CLEC2A: variants seen among roughly 807,000 people sequenced by gnomAD.
CLEC2A encodes the protein keratinocyte-associated C-type lectin.
A neutral mutation model predicts 18.6 loss-of-function variants in CLEC2A; 19 were observed. That is an observed-to-expected ratio of 1.02 (90% CI 0.71 to 1.50). The LOEUF is 1.50. CLEC2A is among the 40% of genes most tolerant of loss of function. CLEC2A has a pLI of 0.00. For missense variants in CLEC2A, 190 were observed against 207.9 expected, an observed-to-expected ratio of 0.91 and a Z score of 0.53; for synonymous variants, 74 against 64.0, an observed-to-expected ratio of 1.16 and a Z score of -0.75.
At chr12:9,913,066 C>G (rs1367504338), downstream of CLEC2A, among the ~76,000 whole-genome samples, 1 of 152,024 alleles carries the variant, frequency 6.6e-6, no homozygotes, top group Non-Finnish European at 1.5e-5. Context: ...AAATATGTGC[C>G]CCAAATTAAT....
intron 3 of CLEC2A, among the ~76,000 whole-genome samples, chr12:9,920,261 G>A (rs1029015112): frequency 1.3e-5 from 2 of 152,266 alleles, no homozygotes; most frequent in Non-Finnish European, 2.9e-5. Context: ...CTCTTCGCTG[G>A]AGTTTCAACT....
At chr12:9,911,995 C>T (rs958802725), downstream of CLEC2A, among the ~76,000 whole-genome samples, 3 of 152,106 alleles carry the variant, frequency 2.0e-5, no homozygotes, top group Non-Finnish European at 4.4e-5. Context: ...CCAAGACTAG[C>T]CCCACAAATC....
the CLEC2A span, among the ~76,000 whole-genome samples, chr12:9,882,919 G>T: frequency 6.6e-6 from 1 of 152,136 alleles, no homozygotes; most frequent in African/African-American, 2.4e-5. Flanking sequence ...CTTTTATGTG[G>T]ATGTTAAACT....
At chr12:9,904,111 T>A (rs1348762399) in intron 4 of CLEC2A, among the ~76,000 whole-genome samples, 3 of 152,158 alleles carry the variant, frequency 2.0e-5, no homozygotes, top group East Asian at 3.9e-4. Flanking sequence ...GCTCACTGCA[T>A]CCCTTTAGGT....
intron 1 of CLEC2A, among the ~76,000 whole-genome samples, chr12:9,931,603 G>A (rs1863376916): frequency 6.6e-6 from 1 of 152,134 alleles, no homozygotes; most frequent in Admixed American, 6.5e-5. Context: ...TATCCCAATT[G>A]CCCTGGGAAT....
intron 4 of CLEC2A, among the ~76,000 whole-genome samples, chr12:9,907,239 T>C (rs1246930033): frequency 6.6e-6 from 1 of 152,200 alleles, no homozygotes; most frequent in African/African-American, 2.4e-5. Flanking sequence ...GGAATGGTTT[T>C]TCTAGGGAGG....
At chr12:9,885,866 AATCT>A in the CLEC2A span, among the ~76,000 whole-genome samples, 19 of 152,194 alleles carry the variant, frequency 1.2e-4, no homozygotes, top group Non-Finnish European at 1.3e-4. Flanking sequence ...AGTCGTTATG[AATCT>A]ATCTAAGTAG....
chr12:9,880,552 T>C, the CLEC2A span, among the ~76,000 whole-genome samples: 1 of 148,118 alleles, frequency 6.8e-6, no homozygotes, highest in South Asian at 2.1e-4. Flanking sequence ...GTGTGCGTGT[T>C]AAGTGAAATA....
Position 9,922,145 on chromosome 12 carries a change from G to C in CLEC2A, c.227C>G (p.Thr76Ser), listed in dbSNP as rs1318544296. ...TATTTTACTGGCTGTCCAATTTCTG[G>C]TATCATCAGAAAAATAGAAACACTT... ...RDKCFYFSDD[T>S]RNWTASKIFC... is the part of the protein sequence containing the mutation. The change falls in exon 3 of 5, where the codon ACC (threonine) becomes AGC (serine). Residue 76 changes from threonine to serine, a missense_variant. Transcript: ENST00000455827. 6.5e-7 allele frequency: 1 copy of C among 1,550,018 alleles called. No individual in the cohort carries two copies.
At chr12:9,905,104 A>G (rs1037287426) in intron 4 of CLEC2A, among the ~76,000 whole-genome samples, 2 of 152,246 alleles carry the variant, frequency 1.3e-5, no homozygotes, top group Non-Finnish European at 2.9e-5. Context: ...TTTCTGCTGG[A>G]AAGAAAAGGG....
the CLEC2A span, chr12:9,881,504 C>A: frequency 6.5e-6 from 6 of 929,438 alleles, no homozygotes; most frequent in Non-Finnish European, 9.7e-6. Context: ...TCTTTTAGTA[C>A]CTTGTGCCAA....
the CLEC2A span, among the ~76,000 whole-genome samples, chr12:9,882,553 G>A: frequency 9.9e-5 from 15 of 152,172 alleles, no homozygotes; most frequent in Admixed American, 1.3e-4. Context: ...AGAGGTGGGC[G>A]GGTCACCTGA....
At chr12:9,925,455 T>C (rs1425558772) in intron 2 of CLEC2A, among the ~76,000 whole-genome samples, 1 of 152,224 alleles carries the variant, frequency 6.6e-6, no homozygotes, top group South Asian at 2.1e-4. Context: ...GTCTGGAATG[T>C]ATTATTTGTG....
chr12:9,921,230 C>A (rs1258861790), intron 3 of CLEC2A, among the ~76,000 whole-genome samples: 3 of 152,148 alleles, frequency 2.0e-5, no homozygotes, highest in African/African-American at 7.2e-5. Context: ...TTGACTCAAA[C>A]AATGTGGCAG....
intron 4 of CLEC2A, among the ~76,000 whole-genome samples, chr12:9,899,500 G>A (rs552299208): frequency 6.6e-6 from 1 of 152,312 alleles, no homozygotes; most frequent in South Asian, 2.1e-4. Context: ...GAGGGGAGCA[G>A]GTGTCCCTGA....
At chr12:9,931,303 A>AT (rs1397975111) in intron 1 of CLEC2A, among the ~76,000 whole-genome samples, 1 of 152,116 alleles carries the variant, frequency 6.6e-6, no homozygotes, top group Non-Finnish European at 1.5e-5. Context: ...ATTTTTAAAA[A>AT]TTTTCTTATG....
intron 4 of CLEC2A, among the ~76,000 whole-genome samples, chr12:9,900,991 A>G (rs932188267): frequency 1.3e-5 from 2 of 152,238 alleles, no homozygotes; most frequent in Admixed American, 6.5e-5. Context: ...AGAGAGAAAA[A>G]AAAACATGCT....
the CLEC2A span, chr12:9,893,121 A>G: frequency 6.5e-7 from 1 of 1,535,828 alleles, no homozygotes; most frequent in Admixed American, 2.0e-5. Flanking sequence ...ACGTGATTGT[A>G]CACAGCTACA....
intron 4 of CLEC2A, chr12:9,899,119 G>C: frequency 2.2e-6 from 1 of 464,688 alleles, no homozygotes. Flanking sequence ...AGCCCTACTA[G>C]TAAAAAAAAA....
Sources: allele counts gnomAD v4.1 joint callset (sites outside exome capture counted in the v4.1 genomes callset), GRCh38; gene constraint gnomAD v4.1.1; transcripts MANE v1.5; gene names NCBI Gene and HGNC (gene_info 2026-07-23, HGNC 2026-07-21).